Variants in CD247 observed in about 807,000 individuals in gnomAD.
CD247 encodes the protein T-cell surface glycoprotein CD3 zeta chain.
A neutral mutation model predicts 30.0 loss-of-function variants in CD247; 13 were observed. That is an observed-to-expected ratio of 0.43 (90% CI 0.28 to 0.69). The LOEUF (loss-of-function observed/expected upper bound fraction) is 0.69. Among genes scored for constraint, CD247 ranks in the 30% least tolerant of loss-of-function variants. CD247 has a pLI of 0.16. For missense variants in CD247, 193 were observed against 212.6 expected, an observed-to-expected ratio of 0.91 and a Z score of 0.57; for synonymous variants, 72 against 80.0, an observed-to-expected ratio of 0.90 and a Z score of 0.53.
intron 1 of CD247, among the ~76,000 whole-genome samples, chr1:167,456,953 G>A (rs552838290): frequency 1.3e-5 from 2 of 152,296 alleles, no homozygotes; most frequent in South Asian, 2.1e-4. Flanking sequence ...GATCTGCTTC[G>A]TTTAGAATAT....
chr1:167,498,437 G>A (rs183929293), intron 1 of CD247, among the ~76,000 whole-genome samples: 7 of 152,318 alleles, frequency 4.6e-5, no homozygotes, highest in East Asian at 1.9e-4. Context: ...AGAGTCTTGC[G>A]ATCAGCCACA....
chr1:167,462,478 G>C (rs1160925441), intron 1 of CD247, among the ~76,000 whole-genome samples: 1 of 152,244 alleles, frequency 6.6e-6, no homozygotes, highest in East Asian at 1.9e-4. Flanking sequence ...TGGGGACCTA[G>C]GCGTCTCTGC....
intron 1 of CD247, among the ~76,000 whole-genome samples, chr1:167,498,385 C>G (rs1654779676): frequency 6.6e-6 from 1 of 152,162 alleles, no homozygotes; most frequent in Admixed American, 6.5e-5. Flanking sequence ...AAGAGGGCCT[C>G]AAGGGAGCTG....
intron 1 of CD247, among the ~76,000 whole-genome samples, chr1:167,468,132 T>C (rs1011232238): frequency 2.0e-5 from 3 of 152,152 alleles, no homozygotes; most frequent in Non-Finnish European, 1.5e-5. Context: ...TTATTTTTAA[T>C]TCTTTATGTG....
At chr1:167,465,146 C>T (rs1193440430) in intron 1 of CD247, among the ~76,000 whole-genome samples, 1 of 151,942 alleles carries the variant, frequency 6.6e-6, no homozygotes, top group African/African-American at 2.4e-5. Flanking sequence ...GAGACCTATC[C>T]AGACAGAGAA....
In CD247 at chr1:167,477,140, G is replaced by C. The variant is rs1653782639; in HGVS notation, c.59-36373C>G. Reference sequence around the variant, plus strand: ...ATTACTGTTAAAAGGATATTACTCTGAGAGGGGTGACAAATTAAACCTCTG... The same window carrying C: ...ATTACTGTTAAAAGGATATTACTCTCAGAGGGGTGACAAATTAAACCTCTG... On this transcript the variant is annotated intron_variant, in intron 1 of 7. Coordinates refer to ENST00000362089, the MANE Select transcript of CD247 (RefSeq NM_198053.3). 3.9e-5 allele frequency among the ~76,000 whole-genome samples: 6 copies of C among 152,352 alleles called. No homozygotes were observed. The South Asian group carries it at 1.2e-3, about 32-fold the overall frequency.
At chr1:167,449,336 C>T (rs374527652) in intron 1 of CD247, among the ~76,000 whole-genome samples, 7 of 151,156 alleles carry the variant, frequency 4.6e-5, no homozygotes, top group Non-Finnish European at 1.0e-4. Flanking sequence ...GTATTTTTAG[C>T]AGAGACGGGG....
chr1:167,491,739 T>C (rs1488075380), intron 1 of CD247, among the ~76,000 whole-genome samples: 1 of 152,132 alleles, frequency 6.6e-6, no homozygotes, highest in Non-Finnish European at 1.5e-5. Flanking sequence ...GACAGATGGA[T>C]GGATGAGCAA....
At chr1:167,474,752 C>CTTTTTT (rs1175876563) in intron 1 of CD247, among the ~76,000 whole-genome samples, 1 of 123,312 alleles carries the variant, frequency 8.1e-6, no homozygotes, top group Non-Finnish European at 1.7e-5. Context: ...TTAAAACTGT[C>CTTTTTT]TTTTTTTTTT....
intron 3 of CD247, 126 bp from the exon 4 acceptor site, chr1:167,438,776 G>C: frequency 1.3e-6 from 1 of 772,456 alleles, no homozygotes; most frequent in Non-Finnish European, 2.3e-6. Flanking sequence ...GGGCTGGGGA[G>C]GGGATGGTAA....
chr1:167,492,679 T>C (rs1339855454), intron 1 of CD247, among the ~76,000 whole-genome samples: 1 of 152,114 alleles, frequency 6.6e-6, no homozygotes, highest in African/African-American at 2.4e-5. Context: ...TAAACCTCCT[T>C]CTTGAACTGA....
intron 1 of CD247, among the ~76,000 whole-genome samples, chr1:167,452,896 C>G (rs1460515642): frequency 6.6e-6 from 1 of 151,918 alleles, no homozygotes; most frequent in East Asian, 1.9e-4. Context: ...GATACACACA[C>G]ACACTTGCAT....
chr1:167,486,614 C>T (rs959966989), intron 1 of CD247, among the ~76,000 whole-genome samples: 3 of 152,248 alleles, frequency 2.0e-5, no homozygotes, highest in South Asian at 2.1e-4. Context: ...CTGTTTCCCA[C>T]GCTTCAGAGG....
At position 167,514,485 on chromosome 1, in the gene CD247, C is replaced by T. The variant is rs116046607; in HGVS notation, c.58+3923G>A. ...GCTAAGTGCTGGGTAGAGCTGTGAGCGTGACAGGGGCGTCTTTGTTTTCAG... is the reference window on the plus strand; with the variant it reads ...GCTAAGTGCTGGGTAGAGCTGTGAGTGTGACAGGGGCGTCTTTGTTTTCAG... On this transcript the variant is annotated intron_variant, in intron 1 of 7. Transcript: ENST00000362089. Among the ~76,000 whole-genome samples the T allele has an allele frequency of 9.9e-4, 151 of 152,252 alleles. 1 individual carries two copies. The highest frequency in any genetic ancestry group is 3.5e-3 in the African/African-American group (145 of 41,526).
At chr1:167,445,864 TACTC>T (rs1356534183) in intron 1 of CD247, among the ~76,000 whole-genome samples, 1 of 152,222 alleles carries the variant, frequency 6.6e-6, no homozygotes, top group East Asian at 1.9e-4. Context: ...CTGCGGGACT[TACTC>T]ACATCCAACT....
intron 1 of CD247, among the ~76,000 whole-genome samples, chr1:167,491,431 G>C (rs916574592): frequency 3.9e-5 from 6 of 152,094 alleles, no homozygotes; most frequent in African/African-American, 1.4e-4. Context: ...AGCCGGACAT[G>C]GTGGCCCATG....
intron 1 of CD247, among the ~76,000 whole-genome samples, chr1:167,468,329 C>T (rs531209799): frequency 2.0e-5 from 3 of 152,280 alleles, no homozygotes; most frequent in Non-Finnish European, 4.4e-5. Flanking sequence ...CAAGTTAATA[C>T]CCATAAAGAA....
chr1:167,513,553 CT>C lies in CD247; in HGVS notation c.58+4854del, dbSNP rs1030531879. ...AACCAGACTAATAGTAAGTATCTTGCTTTTTTTTCTTTCTATATTTTGAGGA... is the reference window on the plus strand; with the variant it reads ...AACCAGACTAATAGTAAGTATCTTGCTTTTTTTCTTTCTATATTTTGAGGA... On this transcript the variant is annotated intron_variant, in intron 1 of 7. Coordinates refer to ENST00000362089, the MANE Select transcript of CD247 (RefSeq NM_198053.3). 4.6e-5 allele frequency among the ~76,000 whole-genome samples: 7 copies of C among 151,976 alleles called. No homozygotes were observed. In the East Asian group the frequency reaches 1.3e-3, roughly 29 times the overall value.
chr1:167,492,912 CTGAG>C (rs1654515301), intron 1 of CD247, among the ~76,000 whole-genome samples: 1 of 151,952 alleles, frequency 6.6e-6, no homozygotes, highest in Non-Finnish European at 1.5e-5. Flanking sequence ...AGGAAAGGGG[CTGAG>C]TATTTTGGGG....
Sources: gnomAD v4.1 joint callset for allele counts (sites outside exome capture counted in the v4.1 genomes callset) on GRCh38, gnomAD v4.1.1 for gene constraint, MANE v1.5 for transcripts, NCBI Gene and HGNC (gene_info 2026-07-23, HGNC 2026-07-21) for gene names.